Variants in ATP2A2 observed in about 807,000 individuals in gnomAD.
ATP2A2 encodes the protein sarcoplasmic/endoplasmic reticulum calcium ATPase 2.
ATP2A2 carries 14 observed loss-of-function variants against 109.3 expected under a neutral mutation model. The ratio of observed to expected loss-of-function variants is 0.13; its 90% CI spans 0.08 to 0.20. ATP2A2 has a LOEUF of 0.20. ATP2A2 is among the 10% of genes least tolerant of loss of function. The pLI is 1.00. For missense variants in ATP2A2, 657 were observed against 1,321.6 expected, an observed-to-expected ratio of 0.50 and a Z score of 7.80; for synonymous variants, 506 against 490.9, an observed-to-expected ratio of 1.03 and a Z score of -0.41.
Position 110,327,530 on chromosome 12 carries a change from C to G in ATP2A2, c.631-23C>G. 6.2e-7 allele frequency: 1 copy of G among 1,605,228 alleles called. No individual in the cohort carries two copies. The highest frequency in any genetic ancestry group is 8.5e-7 in the Non-Finnish European group (1 of 1,171,964). On this transcript the variant is annotated intron_variant, in intron 7 of 19. Coordinates refer to ENST00000539276, the MANE Select transcript of ATP2A2 (RefSeq NM_170665.4). This position sits in a 1 kb window ranked among gnomAD's most constrained non-coding sequence, Gnocchi z 4.4. ...TTGGGATGTGGTATTCATCTTGTGA[C>G]CAGTTCTCTACTTCTGTCCTAGGGT...
At chr12:110,341,582 C>A (rs1879356777) in intron 14 of ATP2A2, among the ~76,000 whole-genome samples, 1 of 152,138 alleles carries the variant, frequency 6.6e-6, no homozygotes. Context: ...CTTTTGAAGG[C>A]ATATTTTTTG....
chr12:110,282,816 T>C, intron 3 of ATP2A2, 21 bp downstream of exon 3: 3 of 1,587,114 alleles, frequency 1.9e-6, no homozygotes, highest in Non-Finnish European at 2.6e-6. Context: ...AAAAATTTAT[T>C]TTCTTTCCCC....
Position 110,346,971 on chromosome 12 carries a change from AG to A in ATP2A2, c.*502del. ...TGAGCAGAGTCTTGCTACCTCAGTC[AG>A]TATTGTTTTGGTTTGCTACTTCCCT... On this transcript the variant is annotated 3_prime_UTR_variant, in exon 20 of 20. Coordinates refer to ENST00000539276, the MANE Select transcript of ATP2A2 (RefSeq NM_170665.4). 9.1e-7 allele frequency: 1 copy of A among 1,096,530 alleles called. No individual in the cohort carries two copies. Among genetic ancestry groups the A allele is most frequent in the Admixed American group, 4.9e-5 (1 of 20,410 alleles). The allele number at this position is 1,096,530 out of a possible 1,614,324, so 67.9% of individuals were successfully genotyped here.
chr12:110,342,515 C>T lies in ATP2A2; in HGVS notation c.2318+67C>T, dbSNP rs1029311144. On this transcript the variant is annotated intron_variant, in intron 15 of 19. Transcript: ENST00000539276. This position sits in a 1 kb window ranked among gnomAD's most constrained non-coding sequence, Gnocchi z 4.6. Reference sequence around the variant, plus strand: ...TAAATGGGTCATGGAGCCCAGTTCTCGCAGTTTGCTCTCCAGATTGCAGCA... The same window carrying T: ...TAAATGGGTCATGGAGCCCAGTTCTTGCAGTTTGCTCTCCAGATTGCAGCA... The T allele has an allele frequency of 1.4e-5, 21 of 1,535,536 alleles. No homozygotes were observed. The highest frequency in any genetic ancestry group is 5.4e-5 in the Admixed American group (3 of 55,218).
intron 3 of ATP2A2, among the ~76,000 whole-genome samples, chr12:110,286,421 C>T (rs186515183): frequency 6.6e-6 from 1 of 152,212 alleles, no homozygotes; most frequent in East Asian, 1.9e-4. Context: ...GGGCAAATTA[C>T]TGATTGGTTT....
At chr12:110,295,117 C>T (rs1179058213) in intron 4 of ATP2A2, among the ~76,000 whole-genome samples, 6 of 151,998 alleles carry the variant, frequency 3.9e-5, no homozygotes, top group Non-Finnish European at 5.9e-5. Flanking sequence ...CCATGCCCAG[C>T]CTTTTCATTG....
At chr12:110,293,367 C>CTT (rs1178977431) in intron 4 of ATP2A2, among the ~76,000 whole-genome samples, 54 of 79,898 alleles carry the variant, frequency 6.8e-4, no homozygotes, top group African/African-American at 8.4e-4. Flanking sequence ...CACTCCCGGC[C>CTT]TTTTTTTTTT....
chr12:110,290,762 A>G (rs991108144), intron 3 of ATP2A2, among the ~76,000 whole-genome samples: 5 of 151,186 alleles, frequency 3.3e-5, no homozygotes, highest in Non-Finnish European at 7.4e-5. Context: ...GCGCCACCAC[A>G]CCTGGCTAAT....
At position 110,333,266 on chromosome 12, in the gene ATP2A2, G is replaced by T; in HGVS notation, c.1270G>T (p.Ala424Ser). Reference protein sequence around the residue: ...ATICALCNDSALDYNEAKGVY... With the variant: ...ATICALCNDSSLDYNEAKGVY... ...AATTTGTGCTCTTTGTAATGACTCT[G>T]CTTTGGATTACAATGAGGTAAGTCT... The change falls in exon 10 of 20, where the codon GCT becomes TCT. Residue 424 changes from alanine (A) to serine (S), a missense_variant. Physicochemically the swap from Ala to Ser is moderately conservative, Grantham distance 99. This residue lies in a region of ATP2A2 where 180 missense variants were observed against 329.1 expected (regional missense o/e 0.55). Coordinates refer to ENST00000539276, the MANE Select transcript of ATP2A2 (RefSeq NM_170665.4). 2 of 1,611,862 alleles carry T rather than the reference G, an allele frequency of 1.2e-6. No individual in the cohort carries two copies. The highest frequency in any genetic ancestry group is 1.1e-5 in the South Asian group (1 of 91,028).
At chr12:110,290,513 C>T (rs1057117818) in intron 3 of ATP2A2, among the ~76,000 whole-genome samples, 2 of 152,280 alleles carry the variant, frequency 1.3e-5, no homozygotes, top group Admixed American at 6.5e-5. Flanking sequence ...TAAATAGATA[C>T]ATATAAAATG....
At position 110,346,775 on chromosome 12, in the gene ATP2A2, G is replaced by GTTTTTT. The variant is rs1879907828; in HGVS notation, c.*307_*308insTTTTTT. 8.5e-7 allele frequency: 1 copy of GTTTTTT among 1,179,502 alleles called. No individual in the cohort carries two copies. The highest frequency in any genetic ancestry group is 4.4e-5 in the Admixed American group (1 of 22,494). The allele number at this position is 1,179,502 out of a possible 1,614,324, so 73.1% of individuals were successfully genotyped here. ...TACTCATCCTTGTATAAAAAAAATAGTTGAGCCAGCAGACATTGTCAGCAA... is the reference window on the plus strand; with the variant it reads ...TACTCATCCTTGTATAAAAAAAATAGTTTTTTTTGAGCCAGCAGACATTGTCAGCAA... On this transcript the variant is annotated 3_prime_UTR_variant, in exon 20 of 20. Coordinates refer to ENST00000539276, the MANE Select transcript of ATP2A2 (RefSeq NM_170665.4).
At chr12:110,304,024 A>G (rs893009198) in intron 5 of ATP2A2, among the ~76,000 whole-genome samples, 3 of 152,134 alleles carry the variant, frequency 2.0e-5, no homozygotes, top group African/African-American at 4.8e-5. Flanking sequence ...ACCACAGTTT[A>G]TTATCTGTTT....
At chr12:110,316,820 T>C (rs960205000) in intron 5 of ATP2A2, among the ~76,000 whole-genome samples, 3 of 152,138 alleles carry the variant, frequency 2.0e-5, no homozygotes, top group Non-Finnish European at 4.4e-5. Context: ...TTAGAGGAAC[T>C]GAAGAGCATA....
chr12:110,348,532 G>T lies in ATP2A2; in HGVS notation c.*2062G>T. The T allele has an allele frequency of 1.0e-6, 1 of 985,548 alleles. No individual in the cohort carries two copies. The highest frequency in any genetic ancestry group is 1.2e-6 in the Non-Finnish European group (1 of 830,050). 61.1% of individuals were successfully genotyped at this position (985,548 alleles called of 1,614,324 possible). On this transcript the variant is annotated 3_prime_UTR_variant, in exon 20 of 20. Transcript: ENST00000539276. Reference sequence around the variant, plus strand: ...GTGCTGCTGAGTTCAGAGGGCCCACGTTCAAGGGATGGAGGTGGAACCTGG... The same window carrying T: ...GTGCTGCTGAGTTCAGAGGGCCCACTTTCAAGGGATGGAGGTGGAACCTGG...
rs1875951783 is a variant in ATP2A2 at position 110,310,816 on chromosome 12, TC to T, written c.464-12175del. Among the ~76,000 whole-genome samples the T allele has an allele frequency of 2.0e-5, 3 of 152,202 alleles. No individual in the cohort carries two copies. The South Asian group carries it at 6.2e-4, about 32-fold the overall frequency. On this transcript the variant is annotated intron_variant, in intron 5 of 19. Coordinates refer to ENST00000539276, the MANE Select transcript of ATP2A2 (RefSeq NM_170665.4). ...ACAGCAATTTAAAGGAAGAAAACTT[TC>T]AATTTAAAGGAAGGAAACTTTTACT...
intron 6 of ATP2A2, chr12:110,325,745 A>AGGACAAGATGAGCAAATTGTTTGAGTC (rs1301027138): frequency 1.3e-5 from 2 of 155,750 alleles, no homozygotes; most frequent in East Asian, 3.8e-4. Context: ...CACTTTGAGG[A>AGGACAAGATGAGCAAATTGTTTGAGTC]GGACAAGATG....
At chr12:110,293,367 CTTTTTTTTTTTT>C (rs1178977431) in intron 4 of ATP2A2, among the ~76,000 whole-genome samples, 10 of 79,854 alleles carry the variant, frequency 1.3e-4, no homozygotes, top group South Asian at 7.1e-4. Context: ...CACTCCCGGC[CTTTTTTTTTTTT>C]TTTTTTTTTG....
intron 18 of ATP2A2, 50 bp downstream of exon 18, chr12:110,345,432 C>T: frequency 6.2e-7 from 1 of 1,611,864 alleles, no homozygotes; most frequent in Non-Finnish European, 8.5e-7. Context: ...ACTGCCAGGG[C>T]ACCGGGGAAT....
rs974530734 is a variant in ATP2A2 at position 110,339,117 on chromosome 12, T to A, written c.1420-164T>A. ...TGTGTTACTTTTGCATCTTAGTCTG[T>A]CTCTCCCAAAATAGGGGACAAGTTT... On this transcript the variant is annotated intron_variant, in intron 11 of 19. Coordinates refer to ENST00000539276, the MANE Select transcript of ATP2A2 (RefSeq NM_170665.4). This position sits in a 1 kb window ranked among gnomAD's most constrained non-coding sequence, Gnocchi z 4.4. 6.6e-6 allele frequency among the ~76,000 whole-genome samples: 1 copy of A among 152,218 alleles called. No individual in the cohort carries two copies. Among genetic ancestry groups the A allele is most frequent in the African/African-American group, 2.4e-5 (1 of 41,444 alleles).
Sources: gnomAD v4.1 joint callset for allele counts (sites outside exome capture counted in the v4.1 genomes callset) on GRCh38, gnomAD v4.1.1 for gene constraint, gnomAD v4.1.1 regional missense constraint, Gnocchi (gnomAD v3.1) non-coding constraint, MANE v1.5 for transcripts, NCBI Gene and HGNC (gene_info 2026-07-23, HGNC 2026-07-21) for gene names.